The following CAPG variants were observed in gnomAD, a reference collection of about 807,000 sequenced individuals.
CAPG encodes the protein macrophage-capping protein.
In CAPG, 32 loss-of-function variants were observed where a neutral mutation model predicts 44.6. That is an observed-to-expected ratio of 0.72 (90% CI 0.54 to 0.96). The LOEUF (loss-of-function observed/expected upper bound fraction) is 0.96. Ranked by LOEUF, CAPG falls within the 50% of genes least tolerant of loss-of-function variation. The pLI is 0.00. For synonymous variants in CAPG, 175 were observed against 179.6 expected (o/e 0.97, Z 0.20); for missense variants, 412 against 438.3 (o/e 0.94, Z 0.54).
chr2:85,409,497 C>T (rs76153797), intron 1 of CAPG, among the ~76,000 whole-genome samples: 3,494 of 152,192 alleles, frequency 0.023, 79 homozygotes, highest in Middle Eastern at 0.037. Flanking sequence ...CTTCCTCAGA[C>T]CCTGATTCCA....
chr2:85,403,030 C>A (rs1197771773), intron 1 of CAPG, among the ~76,000 whole-genome samples: 1 of 152,254 alleles, frequency 6.6e-6, no homozygotes, highest in Admixed American at 6.5e-5. Context: ...CTCAGCCTCC[C>A]AAAGTGTTGG....
chr2:85,406,783 G>A (rs993311192), intron 1 of CAPG, among the ~76,000 whole-genome samples: 4 of 151,532 alleles, frequency 2.6e-5, no homozygotes, highest in Non-Finnish European at 5.9e-5. Flanking sequence ...ACTTGAACCC[G>A]GAAGGCAGAG....
downstream of CAPG, among the ~76,000 whole-genome samples, chr2:85,393,345 T>A (rs1686455558): frequency 1.3e-5 from 2 of 152,112 alleles, 1 homozygote; most frequent in South Asian, 4.1e-4. Flanking sequence ...CACAAAAATC[T>A]TAATCTGTGT....
At position 85,401,957 on chromosome 2, in the gene CAPG, A is replaced by G. The variant is rs377260072; in HGVS notation, c.24T>C (p.Ser8=). The G allele has an allele frequency of 1.9e-6, 3 of 1,614,124 alleles. No homozygotes were observed. The highest frequency in any genetic ancestry group is 2.7e-5 in the African/African-American group (2 of 75,044). The change falls in exon 3 of 10, where the codon AGT becomes AGC. Residue 8 remains serine (S), a splice_region_variant and synonymous_variant. Transcript: ENST00000263867. ...GCACTGAGCCTGGGAATGGAGAGCC[A>G]CTGCGAGAAGAGAGAGGGTTGACAG... The part of the protein sequence containing the change: MYTAIPQ[S]GSPFPGSVQD...
chr2:85,395,727 C>G lies in CAPG; in HGVS notation c.893-101G>C. 1.3e-6 allele frequency: 1 copy of G among 751,104 alleles called. No individual in the cohort carries two copies. Among genetic ancestry groups the G allele is most frequent in the Non-Finnish European group, 2.3e-6 (1 of 443,354 alleles). 46.5% of individuals were successfully genotyped at this position (751,104 alleles called of 1,614,324 possible). On this transcript the variant is annotated intron_variant, in intron 8 of 9. Transcript: ENST00000263867. This position sits in a 1 kb window ranked among gnomAD's most constrained non-coding sequence, Gnocchi z 4.3. Reference sequence around the variant, plus strand: ...TTAAGGGAGTCCACAGAAGAGCCAGCAATTTTTACAATAAATGGACCAGGG... The same window carrying G: ...TTAAGGGAGTCCACAGAAGAGCCAGGAATTTTTACAATAAATGGACCAGGG...
At position 85,395,075 on chromosome 2, in the gene CAPG, A is replaced by G; in HGVS notation, c.982-117T>C. The G allele has an allele frequency of 1.4e-6, 1 of 725,324 alleles. No homozygotes were observed. The highest frequency in any genetic ancestry group is 2.5e-6 in the Non-Finnish European group (1 of 402,902). 44.9% of individuals were successfully genotyped at this position (725,324 alleles called of 1,614,324 possible). On this transcript the variant is annotated intron_variant, in intron 9 of 9. Coordinates refer to ENST00000263867, the MANE Select transcript of CAPG (RefSeq NM_001747.4). This position sits in a 1 kb window ranked among gnomAD's most constrained non-coding sequence, Gnocchi z 4.3. ...GGGTGTGGGCGCCTGGCCTGAATCC[A>G]TGTGCAGTCCAGGCTGGGAAAGCTC...
At chr2:85,399,517 G>T (rs553795446) in intron 5 of CAPG, among the ~76,000 whole-genome samples, 2 of 152,138 alleles carry the variant, frequency 1.3e-5, no homozygotes, top group African/African-American at 2.4e-5. Flanking sequence ...TCGAGACAGG[G>T]TCTCACTCTG....
intron 6 of CAPG, 140 bp downstream of exon 6, chr2:85,398,996 G>A (rs1456128883): frequency 3.0e-6 from 3 of 1,010,266 alleles, no homozygotes; most frequent in Non-Finnish European, 4.4e-6. Flanking sequence ...GGCACCCTGT[G>A]AGCTGGCCAC....
intron 1 of CAPG, among the ~76,000 whole-genome samples, chr2:85,417,119 G>A (rs910622503): frequency 1.3e-5 from 2 of 152,162 alleles, no homozygotes; most frequent in African/African-American, 4.8e-5. Context: ...GGGGGGACTA[G>A]TCCCCCAGAA....
rs188816019 is a variant in CAPG at position 85,416,553 on chromosome 2, C to T, written c.-14+1714G>A. Among the ~76,000 whole-genome samples, 18 of 152,240 alleles carry T rather than the reference C, an allele frequency of 1.2e-4. No individual in the cohort carries two copies. In the East Asian group the frequency reaches 2.9e-3, roughly 24 times the overall value. ...CGAGACAGAGTCTCACTCTTGTCGC[C>T]CAAGCTGGAGTGCAATGGCACAATC... On this transcript the variant is annotated intron_variant, in intron 1 of 5. Transcript: ENST00000409275.
Position 85,401,151 on chromosome 2 carries a change from GCCAGCCTACCCACCTGGC to G in CAPG, c.512_516+13del. 1 of 1,612,306 alleles carries G rather than the reference GCCAGCCTACCCACCTGGC, an allele frequency of 6.2e-7. No individual in the cohort carries two copies. The highest frequency in any genetic ancestry group is 8.5e-7 in the Non-Finnish European group (1 of 1,178,656). ...GTGCCAATACGGAGTGCTCAGTCTG[GCCAGCCTACCCACCTGGC>G]CCAGGTCCAGGATGAAGCAGTCCCC... On this transcript the variant is annotated splice_donor_variant and splice_donor_5th_base_variant and coding_sequence_variant and intron_variant, in exon 5 of 10. Coordinates refer to ENST00000263867, the MANE Select transcript of CAPG (RefSeq NM_001747.4). LOFTEE classifies it high-confidence loss of function.
chr2:85,402,020 G>A, intron 2 of CAPG, 63 bp from the exon 3 acceptor site: 1 of 1,609,118 alleles, frequency 6.2e-7, no homozygotes, highest in South Asian at 1.1e-5. Context: ...GCCCTGGGCA[G>A]GCCTGGCGAC....
At position 85,398,018 on chromosome 2, in the gene CAPG, A is replaced by C. The variant is rs1354402397; in HGVS notation, c.892+2T>G. 6.2e-7 allele frequency: 1 copy of C among 1,613,718 alleles called. No individual in the cohort carries two copies. Among genetic ancestry groups the C allele is most frequent in the Admixed American group, 1.7e-5 (1 of 59,980 alleles). On this transcript the variant is annotated splice_donor_variant, in intron 8 of 9. Transcript: ENST00000263867. LOFTEE classifies it high-confidence loss of function. ...TCAGGCTGTTACAGAGGAGCCACGT[A>C]CCCTTCCAGATATAGATCTTGCCAC...
At chr2:85,394,082 G>A (rs1169652441), downstream of CAPG, among the ~76,000 whole-genome samples, 1 of 152,226 alleles carries the variant, frequency 6.6e-6, no homozygotes, top group Non-Finnish European at 1.5e-5. Flanking sequence ...CCTGCTCTTG[G>A]CCCCTGGGCA....
downstream of CAPG, among the ~76,000 whole-genome samples, chr2:85,393,877 T>G (rs1039011144): frequency 6.6e-6 from 1 of 152,158 alleles, no homozygotes; most frequent in Non-Finnish European, 1.5e-5. Context: ...GTATCTATGG[T>G]ATGGTTCTTG....
In CAPG at chr2:85,395,841, C is replaced by G; in HGVS notation, c.893-215G>C. 1.8e-6 allele frequency: 1 copy of G among 558,602 alleles called. No individual in the cohort carries two copies. Among genetic ancestry groups the G allele is most frequent in the Non-Finnish European group, 3.2e-6 (1 of 310,618 alleles). 34.6% of individuals were successfully genotyped at this position (558,602 alleles called of 1,614,324 possible). A position where few individuals can be genotyped will look rare whatever the true frequency, so the allele number is the denominator to read the frequency against. On this transcript the variant is annotated intron_variant, in intron 8 of 9. Coordinates refer to ENST00000263867, the MANE Select transcript of CAPG (RefSeq NM_001747.4). This position sits in a 1 kb window ranked among gnomAD's most constrained non-coding sequence, Gnocchi z 4.3. ...CCGGCAGCACCAAGGTAGATGAAAA[C>G]CCCTCGTCTGCCCGGGTCTGATCAT... is the stretch of plus-strand genomic sequence containing the variant.
At chr2:85,417,426 C>T (rs1687580749) in intron 1 of CAPG, among the ~76,000 whole-genome samples, 1 of 151,510 alleles carries the variant, frequency 6.6e-6, no homozygotes, top group Non-Finnish European at 1.5e-5. Flanking sequence ...ACTATCACCG[C>T]ATGCTAGTGC....
At position 85,395,550 on chromosome 2, in the gene CAPG, G is replaced by A. The variant is rs1686553916; in HGVS notation, c.969C>T (p.Ala323=). ...AEGFISRMQY[A]PNTQVEILPQ... ...CGCATCTCCTCACCTGAGTGTTCGG[G>A]GCGTACTGCATGCGCGAGATGAAGC... is the stretch of plus-strand genomic sequence containing the variant. Residue 323 remains alanine (A), a synonymous_variant, in exon 9 of 10, where the codon GCC becomes GCT. Coordinates refer to ENST00000263867, the MANE Select transcript of CAPG (RefSeq NM_001747.4). The surrounding 1 kb of genome is among the most constrained non-coding windows in gnomAD (Gnocchi z 4.3). 6.2e-7 allele frequency: 1 copy of A among 1,613,632 alleles called. No individual in the cohort carries two copies. The highest frequency in any genetic ancestry group is 1.3e-5 in the African/African-American group (1 of 75,046).
intron 1 of CAPG, among the ~76,000 whole-genome samples, chr2:85,406,849 ACT>A (rs1455248197): frequency 6.7e-6 from 1 of 149,816 alleles, no homozygotes; most frequent in Non-Finnish European, 1.5e-5. Context: ...CAAGAGCGAA[ACT>A]CCGTCTCAAA....
Sources: gnomAD v4.1 joint callset for allele counts (sites outside exome capture counted in the v4.1 genomes callset) on GRCh38, gnomAD v4.1.1 for gene constraint, Gnocchi (gnomAD v3.1) non-coding constraint, MANE v1.5 for transcripts, NCBI Gene and HGNC (gene_info 2026-07-23, HGNC 2026-07-21) for gene names.